DIP2C: variants seen among roughly 807,000 people sequenced by gnomAD.
The protein encoded by DIP2C is disco-interacting protein 2 homolog C.
Under a neutral mutation model 192.4 loss-of-function variants are expected in DIP2C, and 33 were observed. That is an observed-to-expected ratio of 0.17 (90% confidence interval 0.13 to 0.23). The LOEUF (loss-of-function observed/expected upper bound fraction) is 0.23. Among genes scored for constraint, DIP2C ranks in the 10% least tolerant of loss-of-function variants. DIP2C has a pLI of 1.00. For missense variants in DIP2C, 1,537 were observed against 2,110.1 expected (o/e 0.73, Z 5.32); for synonymous variants, 979 against 864.1 (o/e 1.13, Z -2.33).
chr10:285,153 CA>C (rs34031685), intron 34 of DIP2C, among the ~76,000 whole-genome samples: 65 of 124,510 alleles, frequency 5.2e-4, no homozygotes, highest in Admixed American at 1.6e-3. Flanking sequence ...AGTGAGGGGC[CA>C]AAAAAAAAAA....
At position 651,237 on chromosome 10, in the gene DIP2C, C is replaced by T. The variant is rs757188776; in HGVS notation, c.85+38257G>A. ...CTCACCTGCATCACACCAATGATGG[C>T]GTCACAGCGTGGGTTCCGGTCACCA... On this transcript the variant is annotated intron_variant, in intron 1 of 36. Coordinates refer to ENST00000280886, the MANE Select transcript of DIP2C (RefSeq NM_014974.3). The surrounding 1 kb of genome is among the most constrained non-coding windows in gnomAD (Gnocchi z 4.1). 23 of 716,404 alleles carry T rather than the reference C, an allele frequency of 3.2e-5. No homozygotes were observed. The highest frequency in any genetic ancestry group is 2.1e-4 in the South Asian group (14 of 67,602). 44.4% of individuals were successfully genotyped at this position (716,404 alleles called of 1,614,324 possible). A position where few individuals can be genotyped will look rare whatever the true frequency, so the allele number is the denominator to read the frequency against.
At chr10:461,823 A>G (rs1379234816) in intron 3 of DIP2C, among the ~76,000 whole-genome samples, 3 of 152,226 alleles carry the variant, frequency 2.0e-5, no homozygotes, top group African/African-American at 7.2e-5. Context: ...AAATCATAAC[A>G]AACAGTCTCT....
In DIP2C at chr10:356,415, C is replaced by G. The variant is rs751018377; in HGVS notation, c.2985+11G>C. ...GGCCAGTAGCCAGGGAAGGCCAGCT[C>G]CGCGCCTCACCCGACAGTTGAGCAG... On this transcript the variant is annotated intron_variant, in intron 24 of 36. Coordinates refer to ENST00000280886, the MANE Select transcript of DIP2C (RefSeq NM_014974.3). 1.9e-6 allele frequency: 3 copies of G among 1,610,388 alleles called. No individual in the cohort carries two copies. The South Asian group carries it at 3.3e-5, about 18-fold the overall frequency.
At chr10:328,259 G>A (rs1005467186) in intron 30 of DIP2C, among the ~76,000 whole-genome samples, 7 of 152,170 alleles carry the variant, frequency 4.6e-5, no homozygotes, top group South Asian at 2.1e-4. Context: ...TCACACGCGC[G>A]CACGTCTGAG....
At chr10:395,041 A>G (rs938339572) in intron 10 of DIP2C, among the ~76,000 whole-genome samples, 1 of 148,208 alleles carries the variant, frequency 6.7e-6, no homozygotes, top group Admixed American at 6.7e-5. Context: ...CCAAGGCTAC[A>G]TGAGCTCATT....
At chr10:370,834 C>A (rs1347841016) in intron 17 of DIP2C, among the ~76,000 whole-genome samples, 1 of 151,886 alleles carries the variant, frequency 6.6e-6, no homozygotes, top group Non-Finnish European at 1.5e-5. Context: ...AAACTGAAGA[C>A]ATAAATGGGG....
At chr10:680,446 A>T (rs553854083) in intron 1 of DIP2C, among the ~76,000 whole-genome samples, 2 of 152,302 alleles carry the variant, frequency 1.3e-5, no homozygotes, top group Non-Finnish European at 2.9e-5. Flanking sequence ...CACTGTCCGC[A>T]CTGGGTAATT....
At chr10:527,379 AC>A (rs1322864749) in intron 1 of DIP2C, among the ~76,000 whole-genome samples, 3 of 152,206 alleles carry the variant, frequency 2.0e-5, no homozygotes, top group Admixed American at 6.5e-5. Flanking sequence ...AAATGCCTTA[AC>A]CTTGACTTCA....
chr10:477,027 C>T (rs1003920804), intron 2 of DIP2C, among the ~76,000 whole-genome samples: 3 of 104,754 alleles, frequency 2.9e-5, no homozygotes, highest in African/African-American at 1.1e-4. Flanking sequence ...TAAATCCAAA[C>T]GTCAGTGACA....
chr10:345,096 G>C lies in DIP2C; in HGVS notation c.3246C>G (p.Ala1082=), dbSNP rs545422148. Residue 1082 remains alanine, a synonymous_variant, in exon 27 of 37, where the codon GCC becomes GCG. Transcript: ENST00000280886. ...VKMIVEVSRS[A]CLMTTQLICK... Reference sequence around the variant, plus strand: ...AGATCAGCTGTGTCGTCATCAGACAGGCAGAGCGACTCACCTGGCATCAGA... The same window carrying C: ...AGATCAGCTGTGTCGTCATCAGACACGCAGAGCGACTCACCTGGCATCAGA... 1 of 1,612,348 alleles carries C rather than the reference G, an allele frequency of 6.2e-7. No individual in the cohort carries two copies. Among genetic ancestry groups the C allele is most frequent in the Admixed American group, 1.7e-5 (1 of 59,946 alleles).
chr10:295,671 A>G (rs998916852), intron 32 of DIP2C, among the ~76,000 whole-genome samples: 2 of 151,242 alleles, frequency 1.3e-5, no homozygotes, highest in Non-Finnish European at 2.9e-5. Flanking sequence ...GAGGATACAG[A>G]GAGAAGGGAA....
Position 651,182 on chromosome 10 carries a change from C to T in DIP2C, c.85+38312G>A, listed in dbSNP as rs576549722. 48 of 717,422 alleles carry T rather than the reference C, an allele frequency of 6.7e-5. No homozygotes were observed. The highest frequency in any genetic ancestry group is 1.1e-4 in the Non-Finnish European group (41 of 385,114). The allele number at this position is 717,422 out of a possible 1,614,324, so 44.4% of individuals were successfully genotyped here. ...TCCACCTGCCCAGGTCTGGGACCAC[C>T]GTCCTCCACGCATATCTACAGACCC... On this transcript the variant is annotated intron_variant, in intron 1 of 36. Transcript: ENST00000280886. The surrounding 1 kb of genome is among the most constrained non-coding windows in gnomAD (Gnocchi z 4.1).
At chr10:541,955 CA>C (rs1848016083) in intron 1 of DIP2C, among the ~76,000 whole-genome samples, 1 of 147,212 alleles carries the variant, frequency 6.8e-6, no homozygotes, top group East Asian at 1.9e-4. Flanking sequence ...TGAGCCTTGT[CA>C]GGGGCCTCTG....
intron 35 of DIP2C, 73 bp downstream of exon 35, chr10:283,199 A>G: frequency 6.5e-7 from 1 of 1,539,500 alleles, no homozygotes; most frequent in Non-Finnish European, 8.8e-7. Context: ...ACCTTGGGAA[A>G]GGCTTCTGTA....
intron 1 of DIP2C, among the ~76,000 whole-genome samples, chr10:492,008 G>A (rs534575142): frequency 9.2e-5 from 14 of 152,142 alleles, no homozygotes; most frequent in Non-Finnish European, 1.5e-4. Context: ...AGGGGCAAGA[G>A]GAATCTCAAA....
At chr10:526,741 G>C (rs978931399) in intron 1 of DIP2C, among the ~76,000 whole-genome samples, 2 of 152,182 alleles carry the variant, frequency 1.3e-5, no homozygotes, top group African/African-American at 4.8e-5. Flanking sequence ...AGGCATTTGT[G>C]TCATGTCTAA....
At chr10:422,165 C>T (rs143269143) in intron 5 of DIP2C, among the ~76,000 whole-genome samples, 1,992 of 152,318 alleles carry the variant, frequency 0.013, 17 homozygotes, top group Admixed American at 0.02. Context: ...AATGGAGACA[C>T]ACACAAAACC....
At chr10:454,843 T>A (rs1969156496) in intron 3 of DIP2C, among the ~76,000 whole-genome samples, 1 of 152,168 alleles carries the variant, frequency 6.6e-6, no homozygotes, top group Non-Finnish European at 1.5e-5. Flanking sequence ...AGTATACAAA[T>A]GCGCCCTTTA....
At chr10:476,151 T>C (rs189870670) in intron 2 of DIP2C, among the ~76,000 whole-genome samples, 128 of 151,910 alleles carry the variant, frequency 8.4e-4, no homozygotes, top group Middle Eastern at 3.4e-3. Context: ...CCCAGGGAGA[T>C]GGGGTGGCTG....
Sources: allele counts gnomAD v4.1 joint callset (sites outside exome capture counted in the v4.1 genomes callset), GRCh38; gene constraint gnomAD v4.1.1; non-coding constraint Gnocchi (gnomAD v3.1); transcripts MANE v1.5; gene names NCBI Gene and HGNC (gene_info 2026-07-23, HGNC 2026-07-21).